The following RBMS3 variants were observed in gnomAD, a reference collection of about 807,000 sequenced individuals.
RBMS3 encodes the protein RNA binding motif single stranded interacting protein 3, also known as RNA-binding motif, single-stranded-interacting protein 3.
RBMS3 carries 27 observed loss-of-function variants against 66.8 expected under a neutral mutation model. The ratio of observed to expected loss-of-function variants is 0.40; its 90% CI spans 0.30 to 0.56. The LOEUF is 0.56. RBMS3 is among the 20% of genes least tolerant of loss of function. The pLI, the probability that RBMS3 is intolerant of heterozygous loss-of-function variation, is 0.40. For missense variants in RBMS3, 513 were observed against 549.5 expected (o/e 0.93, Z 0.66); for synonymous variants, 188 against 183.0 (o/e 1.03, Z -0.22).
intron 10 of RBMS3, among the ~76,000 whole-genome samples, chr3:29,912,465 G>A (rs890227393): frequency 1.2e-4 from 19 of 152,134 alleles, no homozygotes; most frequent in African/African-American, 4.6e-4. Flanking sequence ...CAGTAAGGAG[G>A]TGTGTTAAAA....
rs1291359329 is a variant in RBMS3, at chr3:30,004,044, GTCT to G, written c.*185_*187del. The G allele has an allele frequency of 2.0e-5, 8 of 400,288 alleles. No individual in the cohort carries two copies. Among genetic ancestry groups the G allele is most frequent in the Admixed American group, 1.4e-4 (3 of 22,026 alleles). 24.8% of individuals were successfully genotyped at this position (400,288 alleles called of 1,614,324 possible). ...AAAGTTTTTATGTGCTGTGCAAATG[GTCT>G]TCATGTGGTCTGACAATTTATTTTT... On this transcript the variant is annotated 3_prime_UTR_variant, in exon 15 of 15. Coordinates refer to ENST00000383767, the MANE Select transcript of RBMS3 (RefSeq NM_001003793.3).
intron 3 of RBMS3, among the ~76,000 whole-genome samples, chr3:29,517,788 G>A (rs2044703180): frequency 6.6e-6 from 1 of 152,150 alleles, no homozygotes; most frequent in African/African-American, 2.4e-5. Context: ...TCATATAGAA[G>A]TCAAGGCAGA....
rs758671007 is a variant in RBMS3 at position 29,587,160 on chromosome 3, G to A, written c.354G>A (p.Ala118=). 2.8e-5 allele frequency: 45 copies of A among 1,607,638 alleles called. No individual in the cohort carries two copies. The East Asian group carries it at 8.4e-4, about 30-fold the overall frequency. ...DFDSPAAAQK[A]VASLKANGVQ... ...ACAGTCCTGCAGCCGCACAGAAAGC[G>A]GTAGCATCTCTCAAGGCAAATGGCG... The change falls in exon 4 of 15, where the codon GCG becomes GCA. Residue 118 remains alanine, a synonymous_variant. Transcript: ENST00000383767.
At chr3:29,965,399 T>C (rs557256499) in intron 12 of RBMS3, among the ~76,000 whole-genome samples, 1 of 152,076 alleles carries the variant, frequency 6.6e-6, no homozygotes, top group Non-Finnish European at 1.5e-5. Flanking sequence ...TGGTTTTTTT[T>C]ATTTTTTGAT....
At chr3:29,548,113 T>G (rs1394521842) in intron 3 of RBMS3, among the ~76,000 whole-genome samples, 2 of 152,050 alleles carry the variant, frequency 1.3e-5, no homozygotes, top group Non-Finnish European at 2.9e-5. Flanking sequence ...GAAATTTTTC[T>G]TAGGAAAGAA....
chr3:29,401,304 G>A (rs934628941), intron 1 of RBMS3, among the ~76,000 whole-genome samples: 17 of 151,976 alleles, frequency 1.1e-4, no homozygotes, highest in Non-Finnish European at 2.5e-4. Flanking sequence ...ATATGTTTCA[G>A]TAAGATATCA....
chr3:29,345,376 G>A (rs2036514675), intron 1 of RBMS3, among the ~76,000 whole-genome samples: 1 of 152,182 alleles, frequency 6.6e-6, no homozygotes, highest in African/African-American at 2.4e-5. Flanking sequence ...TTTCTTGACT[G>A]AGAAATATTT....
intron 3 of RBMS3, among the ~76,000 whole-genome samples, chr3:29,494,516 A>G (rs1033340278): frequency 6.6e-6 from 1 of 152,224 alleles, no homozygotes; most frequent in Non-Finnish European, 1.5e-5. Flanking sequence ...CCAGATGGGG[A>G]GTAATGAAAA....
At chr3:29,908,939 C>G (rs867604970) in intron 10 of RBMS3, among the ~76,000 whole-genome samples, 6 of 151,886 alleles carry the variant, frequency 4.0e-5, no homozygotes, top group Admixed American at 6.6e-5. Flanking sequence ...AATAAAGAAG[C>G]CTCTGTGAAC....
At chr3:29,555,756 C>T (rs890349874) in intron 3 of RBMS3, among the ~76,000 whole-genome samples, 37 of 152,106 alleles carry the variant, frequency 2.4e-4, no homozygotes, top group Non-Finnish European at 4.9e-4. Flanking sequence ...CTGTGGGTTG[C>T]CCTCAACTTT....
chr3:29,593,259 T>C (rs1387888058), intron 4 of RBMS3, among the ~76,000 whole-genome samples: 1 of 152,218 alleles, frequency 6.6e-6, no homozygotes, highest in Non-Finnish European at 1.5e-5. Context: ...CCAAAGCTAC[T>C]CTTCTGAATG....
At chr3:29,811,676 A>T (rs1367168056) in intron 6 of RBMS3, among the ~76,000 whole-genome samples, 2 of 152,174 alleles carry the variant, frequency 1.3e-5, no homozygotes, top group East Asian at 3.9e-4. Context: ...CATTGCTCAG[A>T]TAATCAAATG....
intron 2 of RBMS3, among the ~76,000 whole-genome samples, chr3:29,461,942 T>A (rs940114215): frequency 1.6e-5 from 2 of 123,376 alleles, no homozygotes; most frequent in Admixed American, 8.0e-5. Flanking sequence ...TTTTTTTTTT[T>A]TTTTTTTGTA....
Position 29,781,841 on chromosome 3 carries a change from G to T in RBMS3, c.637+18852G>T, listed in dbSNP as rs9310914. Among the ~76,000 whole-genome samples, 1,001 of 152,098 alleles carry T rather than the reference G, an allele frequency of 6.6e-3. 10 individuals are homozygous for T. Among genetic ancestry groups the T allele is most frequent in the African/African-American group, 0.023 (961 of 41,484 alleles). ...TTAGTACCGTGGGCTGTGTGGGAGA[G>T]GGTTGAGGCCTGTGACTACCGGCTT... is the stretch of plus-strand genomic sequence containing the variant. On this transcript the variant is annotated intron_variant, in intron 6 of 14. Transcript: ENST00000383767.
intron 6 of RBMS3, among the ~76,000 whole-genome samples, chr3:29,786,481 T>C (rs1277442271): frequency 6.6e-6 from 1 of 152,152 alleles, no homozygotes; most frequent in Non-Finnish European, 1.5e-5. Flanking sequence ...AGCATGGTAC[T>C]GGGATAAAAA....
intron 11 of RBMS3, among the ~76,000 whole-genome samples, chr3:29,939,680 T>C (rs1349105587): frequency 6.6e-6 from 1 of 151,892 alleles, no homozygotes; most frequent in Non-Finnish European, 1.5e-5. Flanking sequence ...TTCCTTCTTC[T>C]CTTCCTGCAC....
intron 6 of RBMS3, among the ~76,000 whole-genome samples, chr3:29,816,420 G>T (rs1409345971): frequency 6.6e-6 from 1 of 151,686 alleles, no homozygotes; most frequent in Non-Finnish European, 1.5e-5. Flanking sequence ...ATGTAATCTG[G>T]TTGTATGCCC....
intron 12 of RBMS3, among the ~76,000 whole-genome samples, chr3:29,985,371 G>T (rs1193950728): frequency 6.6e-6 from 1 of 151,764 alleles, no homozygotes; most frequent in Non-Finnish European, 1.5e-5. Flanking sequence ...TGAATGGTTT[G>T]TCTCACTGGC....
At chr3:29,315,334 T>C (rs1169527194) in intron 1 of RBMS3, among the ~76,000 whole-genome samples, 1 of 151,750 alleles carries the variant, frequency 6.6e-6, no homozygotes, top group Non-Finnish European at 1.5e-5. Flanking sequence ...AAGATTCGTA[T>C]TGCAAAAGTT....
Sources: gnomAD v4.1 joint callset for allele counts (sites outside exome capture counted in the v4.1 genomes callset) on GRCh38, gnomAD v4.1.1 for gene constraint, MANE v1.5 for transcripts, NCBI Gene and HGNC (gene_info 2026-07-23, HGNC 2026-07-21) for gene names.